The following PHF3 variants were observed in gnomAD, a reference collection of about 807,000 sequenced individuals.
PHF3 encodes PHD finger protein 3.
PHF3 carries 41 observed loss-of-function variants against 178.4 expected under a neutral mutation model. The observed-to-expected ratio is 0.23, with a 90% CI of 0.18 to 0.30. The LOEUF (loss-of-function observed/expected upper bound fraction) is 0.30. PHF3 is among the 10% of genes least tolerant of loss of function. PHF3 has a pLI of 1.00. For missense variants in PHF3, 2,346 were observed against 2,398.1 expected (o/e 0.98, Z 0.45); for synonymous variants, 842 against 800.5 (o/e 1.05, Z -0.88).
At chr6:63,686,045 T>C (rs559369264) in intron 4 of PHF3, 134 bp downstream of exon 4, 9 of 615,220 alleles carry the variant, frequency 1.5e-5, no homozygotes, top group South Asian at 1.2e-4. Context: ...AAAAGCTTCA[T>C]CAGTCTTGGA....
rs1244714635 is a variant in PHF3 at position 63,684,411 on chromosome 6, A to G, written c.689A>G (p.Asp230Gly). ...GTGTCATCTTGTCTTGAAATGAAGGATGAAGATGGATTAGATTCTAAGCAT... is the reference window on the plus strand; with the variant it reads ...GTGTCATCTTGTCTTGAAATGAAGGGTGAAGATGGATTAGATTCTAAGCAT... ...SSVSSCLEMK[D>G]EDGLDSKHKC... The change falls in exon 4 of 16, where the codon GAT (aspartate) becomes GGT (glycine). Residue 230 changes from aspartate to glycine, a missense_variant. Coordinates refer to ENST00000262043, the MANE Select transcript of PHF3 (RefSeq NM_001370348.2). 1.2e-6 allele frequency: 2 copies of G among 1,613,956 alleles called. No individual in the cohort carries two copies. The highest frequency in any genetic ancestry group is 1.7e-6 in the Non-Finnish European group (2 of 1,179,930).
intron 13 of PHF3, among the ~76,000 whole-genome samples, chr6:63,707,676 G>T (rs546320554): frequency 6.7e-6 from 1 of 148,308 alleles, no homozygotes; most frequent in African/African-American, 2.5e-5. Flanking sequence ...TTAAAAGATT[G>T]TAAAAAAATT....
rs1582143170 is a variant in PHF3, at chr6:63,723,924, C to T, written c.*10216C>T. 1.3e-5 allele frequency among the ~76,000 whole-genome samples: 2 copies of T among 151,892 alleles called. No homozygotes were observed. The highest frequency in any genetic ancestry group is 3.9e-4 in the East Asian group (2 of 5,160). On this transcript the variant is annotated 3_prime_UTR_variant, in exon 16 of 16. Transcript: ENST00000262043. ...GCAACCTCCATCTCCCGGGCTGCCTCAGTTTCCCGAGTATCTGGGACTACA... is the reference window on the plus strand; with the variant it reads ...GCAACCTCCATCTCCCGGGCTGCCTTAGTTTCCCGAGTATCTGGGACTACA...
intron 1 of PHF3, among the ~76,000 whole-genome samples, chr6:63,643,304 A>G (rs1280163628): frequency 2.0e-5 from 3 of 152,194 alleles, no homozygotes; most frequent in African/African-American, 7.2e-5. Context: ...CTGATTTTTA[A>G]AAATGAATTA....
chr6:63,711,081 A>G, intron 14 of PHF3, 86 bp from the exon 15 acceptor site: 1 of 909,232 alleles, frequency 1.1e-6, no homozygotes, highest in Non-Finnish European at 1.6e-6. Context: ...AGTTCAATAG[A>G]TTATTACTAA....
At chr6:63,706,476 G>T (rs1039493201) in intron 12 of PHF3, among the ~76,000 whole-genome samples, 9 of 152,068 alleles carry the variant, frequency 5.9e-5, no homozygotes, top group African/African-American at 1.9e-4. Context: ...CAAAAGTCAG[G>T]GATAGATTAT....
intron 4 of PHF3, among the ~76,000 whole-genome samples, chr6:63,687,582 A>AT (rs1313874892): frequency 9.2e-5 from 14 of 152,194 alleles, no homozygotes; most frequent in Non-Finnish European, 2.1e-4. Flanking sequence ...GAGAGATGGA[A>AT]TAGGTGCCTT....
At chr6:63,677,490 TA>T (rs1260005724) in intron 2 of PHF3, among the ~76,000 whole-genome samples, 1 of 152,192 alleles carries the variant, frequency 6.6e-6, no homozygotes, top group African/African-American at 2.4e-5. Context: ...GGAAATGGAA[TA>T]ATTTAAAACC....
rs752962568 is a variant in PHF3, at chr6:63,721,368, C to G, written c.*7660C>G. The stretch of plus-strand genomic sequence containing the variant: ...AGTTGTGCCATTTACTGTACATTCA[C>G]CTCCATTTCTGCATGTGTTGTACCC... On this transcript the variant is annotated 3_prime_UTR_variant, in exon 16 of 16. Transcript: ENST00000262043. The G allele has an allele frequency of 1.0e-5, 16 of 1,551,844 alleles. No homozygotes were observed. In the South Asian group the frequency reaches 1.9e-4, roughly 18 times the overall value.
At chr6:63,665,099 A>G (rs1047982347) in intron 2 of PHF3, among the ~76,000 whole-genome samples, 1 of 152,152 alleles carries the variant, frequency 6.6e-6, no homozygotes, top group Non-Finnish European at 1.5e-5. Context: ...TTTAAGTGCC[A>G]CATTTCATTT....
intron 4 of PHF3, chr6:63,686,270 T>G (rs1766700535): frequency 5.1e-6 from 1 of 194,746 alleles, no homozygotes; most frequent in African/African-American, 2.3e-5. Context: ...AGTTATATAT[T>G]AATTCATTTG....
chr6:63,690,757 T>C (rs1467859441), intron 4 of PHF3, among the ~76,000 whole-genome samples: 1 of 152,162 alleles, frequency 6.6e-6, no homozygotes, highest in Admixed American at 6.5e-5. Context: ...TCTGAAAGCA[T>C]TGCAGCTTTC....
chr6:63,651,627 G>T (rs1054510680), intron 2 of PHF3, among the ~76,000 whole-genome samples: 1 of 152,156 alleles, frequency 6.6e-6, no homozygotes, highest in East Asian at 1.9e-4. Flanking sequence ...CTCCCAAAGT[G>T]CTGGGATTAC....
intron 2 of PHF3, among the ~76,000 whole-genome samples, chr6:63,657,575 T>C (rs1765291659): frequency 6.6e-6 from 1 of 152,116 alleles, no homozygotes; most frequent in Non-Finnish European, 1.5e-5. Context: ...AAGTGGATCA[T>C]TAAAAAAGTC....
chr6:63,714,234 G>T lies in PHF3; in HGVS notation c.*526G>T, dbSNP rs1768104619. On this transcript the variant is annotated 3_prime_UTR_variant, in exon 16 of 16. Coordinates refer to ENST00000262043, the MANE Select transcript of PHF3 (RefSeq NM_001370348.2). ...TTTGACCAAGAATCAGAAGCCCAAGGGGTACATTTATTGCTTTAATCTGCA... is the reference window on the plus strand; with the variant it reads ...TTTGACCAAGAATCAGAAGCCCAAGTGGTACATTTATTGCTTTAATCTGCA... 6.5e-6 allele frequency: 1 copy of T among 152,756 alleles called. No homozygotes were observed. Among genetic ancestry groups the T allele is most frequent in the African/African-American group, 2.4e-5 (1 of 41,412 alleles). 9.5% of individuals were successfully genotyped at this position (152,756 alleles called of 1,614,324 possible).
At chr6:63,677,335 TG>T (rs1158939289) in intron 2 of PHF3, among the ~76,000 whole-genome samples, 1 of 151,956 alleles carries the variant, frequency 6.6e-6, no homozygotes, top group African/African-American at 2.4e-5. Context: ...TCCTTCAGTA[TG>T]TAGATGTCTG....
Position 63,711,820 on chromosome 6 carries a change from A to G in PHF3, c.4232A>G (p.Asn1411Ser). 6.2e-7 allele frequency: 1 copy of G among 1,614,016 alleles called. No individual in the cohort carries two copies. The highest frequency in any genetic ancestry group is 1.1e-5 in the South Asian group (1 of 91,084). Residue 1411 changes from asparagine (N) to serine (S), a missense_variant, in exon 16 of 16, where the codon AAT becomes AGT. Physicochemically the swap from Asn to Ser is conservative, Grantham distance 46 (BLOSUM62 1). Around this residue, in one of 8 missense-constraint regions of PHF3, gnomAD observed 839 missense variants for 806.9 expected, o/e 1.04. Coordinates refer to ENST00000262043, the MANE Select transcript of PHF3 (RefSeq NM_001370348.2). ...ACAACTGTATTACACAAGCAGAGAA[A>G]TAAACCTCAGCAGAATCTTCAGGAA... ...SFTTVLHKQRNKPQQNLQEDL... is the reference protein window; with the variant it reads ...SFTTVLHKQRSKPQQNLQEDL...
chr6:63,644,112 AG>A (rs1471497399), intron 1 of PHF3, among the ~76,000 whole-genome samples: 1 of 152,212 alleles, frequency 6.6e-6, no homozygotes, highest in African/African-American at 2.4e-5. Context: ...TATGGTAACA[AG>A]TGCATTTACT....
intron 1 of PHF3, among the ~76,000 whole-genome samples, chr6:63,642,595 A>G (rs943959014): frequency 2.6e-5 from 4 of 152,238 alleles, no homozygotes; most frequent in Admixed American, 6.5e-5. Context: ...TTTAACATGT[A>G]TATTCCCAAA....
Sources: gnomAD v4.1 joint callset for allele counts (sites outside exome capture counted in the v4.1 genomes callset) on GRCh38, gnomAD v4.1.1 for gene constraint, gnomAD v4.1.1 regional missense constraint, MANE v1.5 for transcripts, NCBI Gene and HGNC (gene_info 2026-07-23, HGNC 2026-07-21) for gene names.